Variants in GRM7 observed in about 807,000 individuals in gnomAD.
GRM7 encodes glutamate metabotropic receptor 7.
GRM7 carries 35 observed loss-of-function variants against 84.5 expected under a neutral mutation model. The ratio of observed to expected loss-of-function variants is 0.41; its 90% CI spans 0.32 to 0.55. The LOEUF is 0.55. Among genes scored for constraint, GRM7 ranks in the 20% least tolerant of loss-of-function variants. GRM7 has a pLI of 0.19. For synonymous variants in GRM7, 487 were observed against 455.1 expected, an observed-to-expected ratio of 1.07 and a Z score of -0.89; for missense variants, 1,003 against 1,194.6, an observed-to-expected ratio of 0.84 and a Z score of 2.36.
intron 8 of GRM7, among the ~76,000 whole-genome samples, chr3:7,650,666 G>A (rs1017024485): frequency 6.6e-6 from 1 of 152,142 alleles, no homozygotes; most frequent in Non-Finnish European, 1.5e-5. Context: ...GCAAGCAAAG[G>A]TCATTTTCTA....
intron 2 of GRM7, among the ~76,000 whole-genome samples, chr3:7,185,203 A>G (rs944449824): frequency 1.3e-5 from 2 of 152,288 alleles, no homozygotes; most frequent in Non-Finnish European, 2.9e-5. Flanking sequence ...AAAGCAGCTT[A>G]TACTTGTGAC....
intron 4 of GRM7, among the ~76,000 whole-genome samples, chr3:7,378,909 A>G (rs1226899694): frequency 1.3e-5 from 2 of 152,178 alleles, no homozygotes; most frequent in East Asian, 1.9e-4. Context: ...CCAAGAATCA[A>G]CAATGTCATG....
intron 1 of GRM7, among the ~76,000 whole-genome samples, chr3:7,085,470 A>G (rs1698422428): frequency 6.6e-6 from 1 of 152,142 alleles, no homozygotes; most frequent in Non-Finnish European, 1.5e-5. Flanking sequence ...CTAATTATTA[A>G]CAATTGTAGT....
chr3:7,654,244 A>T (rs1326491049), intron 8 of GRM7, among the ~76,000 whole-genome samples: 1 of 152,204 alleles, frequency 6.6e-6, no homozygotes, highest in Non-Finnish European at 1.5e-5. Flanking sequence ...GATACTGTGA[A>T]AATGCCACAG....
At chr3:7,022,281 G>A (rs1311857016) in intron 1 of GRM7, among the ~76,000 whole-genome samples, 3 of 151,554 alleles carry the variant, frequency 2.0e-5, no homozygotes, top group African/African-American at 7.3e-5. Context: ...AGCCGAGATT[G>A]TGCCACTGCA....
intron 5 of GRM7, among the ~76,000 whole-genome samples, chr3:7,446,381 T>C (rs1300826903): frequency 2.0e-5 from 3 of 152,166 alleles, no homozygotes; most frequent in African/African-American, 7.2e-5. Context: ...ATTTGTTTTC[T>C]CATAACTCCA....
chr3:7,122,573 T>C (rs1693261729), intron 1 of GRM7, among the ~76,000 whole-genome samples: 1 of 152,190 alleles, frequency 6.6e-6, no homozygotes, highest in Non-Finnish European at 1.5e-5. Context: ...TTTTACCAGG[T>C]TGACTTTCTT....
At chr3:7,455,012 C>A (rs1697945759) in intron 6 of GRM7, among the ~76,000 whole-genome samples, 1 of 152,006 alleles carries the variant, frequency 6.6e-6, no homozygotes, top group Non-Finnish European at 1.5e-5. Flanking sequence ...CCAATATAAG[C>A]TGGAGACATG....
At chr3:7,646,680 T>C (rs1406830535) in intron 8 of GRM7, among the ~76,000 whole-genome samples, 1 of 152,194 alleles carries the variant, frequency 6.6e-6, no homozygotes, top group East Asian at 1.9e-4. Flanking sequence ...TTCCTGTGCT[T>C]CATGGTGATT....
intron 7 of GRM7, among the ~76,000 whole-genome samples, chr3:7,493,950 C>T (rs1331837278): frequency 6.6e-6 from 1 of 151,848 alleles, no homozygotes; most frequent in Non-Finnish European, 1.5e-5. Flanking sequence ...CATTTAGGTC[C>T]CTTTCTTTTC....
At chr3:7,456,206 G>A (rs186571226) in intron 6 of GRM7, among the ~76,000 whole-genome samples, 135 of 151,812 alleles carry the variant, frequency 8.9e-4, no homozygotes, top group Non-Finnish European at 1.8e-3. Flanking sequence ...TTACACTAGC[G>A]ACAAAAATAA....
intron 1 of GRM7, among the ~76,000 whole-genome samples, chr3:7,050,868 A>G (rs972874127): frequency 6.6e-5 from 10 of 151,970 alleles, no homozygotes; most frequent in African/African-American, 2.4e-4. Flanking sequence ...TTTGATTCAA[A>G]ACCAATTAGA....
intron 1 of GRM7, among the ~76,000 whole-genome samples, chr3:6,980,502 C>T (rs755471600): frequency 3.3e-4 from 50 of 152,168 alleles, no homozygotes; most frequent in Non-Finnish European, 6.2e-4. Context: ...CTCTAGCTCT[C>T]CTCTGTGAAA....
At chr3:6,953,710 T>C (rs1311726768) in intron 1 of GRM7, among the ~76,000 whole-genome samples, 1 of 152,198 alleles carries the variant, frequency 6.6e-6, no homozygotes, top group African/African-American at 2.4e-5. Flanking sequence ...GTGGAGTCCA[T>C]ACAAAAGGAA....
intron 2 of GRM7, among the ~76,000 whole-genome samples, chr3:7,160,194 A>G (rs1297650366): frequency 6.6e-6 from 1 of 152,106 alleles, no homozygotes; most frequent in Admixed American, 6.6e-5. Context: ...GTAAATGAGA[A>G]GGACAGCTCT....
chr3:7,718,760 T>C (rs552501028), intron 9 of GRM7, among the ~76,000 whole-genome samples: 2 of 152,348 alleles, frequency 1.3e-5, no homozygotes, highest in East Asian at 1.9e-4. Context: ...CCTCCAGGTC[T>C]GCTTCAGGAA....
At chr3:7,250,648 C>G (rs1047476866) in intron 2 of GRM7, among the ~76,000 whole-genome samples, 4 of 148,766 alleles carry the variant, frequency 2.7e-5, no homozygotes, top group African/African-American at 7.4e-5. Flanking sequence ...CTCAGCCTCC[C>G]AAGTAGCTGG....
chr3:7,363,323 G>A lies in GRM7; in HGVS notation c.1034-51700G>A, dbSNP rs991457685. On this transcript the variant is annotated intron_variant, in intron 4 of 9. Transcript: ENST00000357716. ...CTGCATTAACCACTGAAAAGATCATGAGATCACAAGAAGTCACCTGACAAT... is the reference window on the plus strand; with the variant it reads ...CTGCATTAACCACTGAAAAGATCATAAGATCACAAGAAGTCACCTGACAAT... Among the ~76,000 whole-genome samples, 3 of 151,996 alleles carry A rather than the reference G, an allele frequency of 2.0e-5. No individual in the cohort carries two copies. In the East Asian group the frequency reaches 5.8e-4, roughly 29 times the overall value.
chr3:6,959,959 A>T (rs981396254), intron 1 of GRM7, among the ~76,000 whole-genome samples: 3 of 152,196 alleles, frequency 2.0e-5, no homozygotes, highest in Non-Finnish European at 4.4e-5. Context: ...ACCAGAAAAG[A>T]GGCTGAACAT....
Sources: gnomAD v4.1 joint callset for allele counts (sites outside exome capture counted in the v4.1 genomes callset) on GRCh38, gnomAD v4.1.1 for gene constraint, MANE v1.5 for transcripts, NCBI Gene and HGNC (gene_info 2026-07-23, HGNC 2026-07-21) for gene names.